The following CPQ variants were observed in gnomAD, a reference collection of about 807,000 sequenced individuals.
CPQ encodes the protein Ser-Met dipeptidase.
CPQ carries 37 observed loss-of-function variants against 45.7 expected under a neutral mutation model. That is an observed-to-expected ratio of 0.81 (90% CI 0.62 to 1.07). CPQ has a LOEUF of 1.07. CPQ is among the 50% of genes least tolerant of loss of function. The pLI, the probability that CPQ is intolerant of heterozygous loss-of-function variation, is 0.00. For synonymous variants in CPQ, 186 were observed against 205.8 expected (o/e 0.90, Z 0.82); for missense variants, 537 against 572.9 (o/e 0.94, Z 0.64).
intron 2 of CPQ, among the ~76,000 whole-genome samples, chr8:96,832,404 T>A (rs564354451): frequency 6.6e-6 from 1 of 152,266 alleles, no homozygotes; most frequent in African/African-American, 2.4e-5. Flanking sequence ...GTCAGCAGTC[T>A]CTTATTTGGA....
At chr8:96,768,450 CTG>C (rs529013227) in intron 1 of CPQ, among the ~76,000 whole-genome samples, 366 of 152,270 alleles carry the variant, frequency 2.4e-3, no homozygotes, top group African/African-American at 8.4e-3. Context: ...AGAGCACACA[CTG>C]TTGCAAATAA....
intron 4 of CPQ, among the ~76,000 whole-genome samples, chr8:96,926,190 T>C (rs539010504): frequency 6.6e-6 from 1 of 152,308 alleles, no homozygotes; most frequent in African/African-American, 2.4e-5. Flanking sequence ...ACCCTTCCAA[T>C]TCCAAGATAC....
At chr8:96,922,658 T>C (rs1235697296) in intron 4 of CPQ, among the ~76,000 whole-genome samples, 1 of 152,226 alleles carries the variant, frequency 6.6e-6, no homozygotes, top group Non-Finnish European at 1.5e-5. Flanking sequence ...TGTTACAGTT[T>C]TCAAACCAAT....
chr8:96,698,075 G>T (rs1419701201), intron 1 of CPQ, among the ~76,000 whole-genome samples: 1 of 151,982 alleles, frequency 6.6e-6, no homozygotes, highest in African/African-American at 2.4e-5. Flanking sequence ...AAAAAAATGA[G>T]GAATCACATT....
chr8:96,743,508 G>A (rs199573666), intron 1 of CPQ, among the ~76,000 whole-genome samples: 12 of 151,920 alleles, frequency 7.9e-5, no homozygotes, highest in Middle Eastern at 3.2e-3. Flanking sequence ...GCTTTGTTCC[G>A]TTGCTGGTGA....
chr8:96,849,835 T>C (rs1811747160), intron 3 of CPQ, among the ~76,000 whole-genome samples: 1 of 152,222 alleles, frequency 6.6e-6, no homozygotes, highest in Admixed American at 6.5e-5. Context: ...TGACTTACTA[T>C]CATTTTTAGA....
At chr8:97,075,424 G>A (rs986101731) in intron 7 of CPQ, among the ~76,000 whole-genome samples, 1 of 151,930 alleles carries the variant, frequency 6.6e-6, no homozygotes, top group Non-Finnish European at 1.5e-5. Context: ...TTAATCAATG[G>A]GTAGCTACAG....
intron 2 of CPQ, among the ~76,000 whole-genome samples, chr8:96,786,114 A>G (rs780935009): frequency 2.6e-5 from 4 of 152,130 alleles, no homozygotes; most frequent in Non-Finnish European, 4.4e-5. Context: ...AGCCACCACA[A>G]TCTAATTATA....
At chr8:96,921,236 A>C (rs1478172408) in intron 4 of CPQ, among the ~76,000 whole-genome samples, 1 of 152,090 alleles carries the variant, frequency 6.6e-6, no homozygotes, top group Non-Finnish European at 1.5e-5. Context: ...GTGAATGTAG[A>C]GCATGCACCT....
intron 2 of CPQ, among the ~76,000 whole-genome samples, chr8:96,792,371 G>C (rs555308463): frequency 6.6e-6 from 1 of 152,164 alleles, no homozygotes; most frequent in Non-Finnish European, 1.5e-5. Flanking sequence ...CAGACTATGC[G>C]GTTCTTTCCC....
At chr8:96,762,310 G>A (rs1034864587) in intron 1 of CPQ, among the ~76,000 whole-genome samples, 1 of 152,108 alleles carries the variant, frequency 6.6e-6, no homozygotes, top group Non-Finnish European at 1.5e-5. Context: ...TCAAAACTGG[G>A]TCCAGATTGA....
At chr8:96,800,478 G>A (rs183653655) in intron 2 of CPQ, among the ~76,000 whole-genome samples, 1 of 152,002 alleles carries the variant, frequency 6.6e-6, no homozygotes, top group African/African-American at 2.4e-5. Context: ...CACTTTTCTG[G>A]TATATTTCCC....
intron 7 of CPQ, among the ~76,000 whole-genome samples, chr8:97,105,241 T>G (rs999749107): frequency 6.6e-6 from 1 of 152,196 alleles, no homozygotes; most frequent in Non-Finnish European, 1.5e-5. Context: ...ACTCAGCCCT[T>G]GACAACCAAC....
At chr8:97,007,861 T>A (rs1463718540) in intron 5 of CPQ, among the ~76,000 whole-genome samples, 1 of 152,188 alleles carries the variant, frequency 6.6e-6, no homozygotes, top group Admixed American at 6.5e-5. Flanking sequence ...GGATAAATCT[T>A]ATTTATTTAA....
intron 4 of CPQ, among the ~76,000 whole-genome samples, chr8:96,888,388 C>A (rs536454196): frequency 3.3e-5 from 5 of 152,020 alleles, no homozygotes; most frequent in African/African-American, 1.2e-4. Context: ...AAGGTCATTG[C>A]CAGCCCTAAA....
rs79310198 is a variant in CPQ, at chr8:96,802,309, A to T, written c.433+16979A>T. Among the ~76,000 whole-genome samples the T allele has an allele frequency of 9.4e-3, 1,430 of 152,248 alleles. 15 individuals are homozygous for T. Among genetic ancestry groups the T allele is most frequent in the South Asian group, 0.02 (97 of 4,822 alleles). ...TGTAAAAGCTTTCTTTGACAGGCTC[A>T]TTGTAGTCTTGGAATTATAGTCACT... On this transcript the variant is annotated intron_variant, in intron 2 of 7. Coordinates refer to ENST00000220763, the MANE Select transcript of CPQ (RefSeq NM_016134.4).
chr8:97,033,053 G>T (rs2130475150), intron 6 of CPQ, among the ~76,000 whole-genome samples: 1 of 152,194 alleles, frequency 6.6e-6, no homozygotes, highest in South Asian at 2.1e-4. Flanking sequence ...TGATCAAGAG[G>T]GGAGAGAAGG....
At chr8:96,956,029 C>T (rs1461223317) in intron 4 of CPQ, among the ~76,000 whole-genome samples, 1 of 152,134 alleles carries the variant, frequency 6.6e-6, no homozygotes, top group Non-Finnish European at 1.5e-5. Flanking sequence ...CAAATGGGAT[C>T]TAATTAAACT....
chr8:96,966,090 T>G lies in CPQ; in HGVS notation c.961+44T>G, dbSNP rs754332449. ...GTTAACTAATGTGTGAGGATCTCAGTGACATGTTTAACTCAAAACACAAAA... is the reference window on the plus strand; with the variant it reads ...GTTAACTAATGTGTGAGGATCTCAGGGACATGTTTAACTCAAAACACAAAA... On this transcript the variant is annotated intron_variant, in intron 5 of 7. Transcript: ENST00000220763. 3 of 1,399,650 alleles carry G rather than the reference T, an allele frequency of 2.1e-6. No homozygotes were observed. The South Asian group carries it at 3.5e-5, about 17-fold the overall frequency. 86.7% of individuals were successfully genotyped at this position (1,399,650 alleles called of 1,614,324 possible). A position where few individuals can be genotyped will look rare whatever the true frequency, so the allele number is the denominator to read the frequency against.
Sources: allele counts gnomAD v4.1 joint callset (sites outside exome capture counted in the v4.1 genomes callset), GRCh38; gene constraint gnomAD v4.1.1; transcripts MANE v1.5; gene names NCBI Gene and HGNC (gene_info 2026-07-23, HGNC 2026-07-21).